The following DYNC2H1 variants were observed in gnomAD, a reference collection of about 807,000 sequenced individuals.
DYNC2H1 encodes dynein cytoplasmic 2 heavy chain 1, also known as cytoplasmic dynein 2 heavy chain 1.
DYNC2H1 carries 410 observed loss-of-function variants against 570.0 expected under a neutral mutation model. The ratio of observed to expected loss-of-function variants is 0.72; its 90% CI spans 0.66 to 0.78. The LOEUF (loss-of-function observed/expected upper bound fraction) is 0.78. Ranked by LOEUF, DYNC2H1 falls within the 30% of genes least tolerant of loss-of-function variation. The pLI is 0.00. For synonymous variants in DYNC2H1, 1,688 were observed against 1,677.6 expected (o/e 1.01, Z -0.15); for missense variants, 4,865 against 5,046.4 (o/e 0.96, Z 1.09).
chr11:103,233,972 T>A (rs1187943606), intron 60 of DYNC2H1, 62 bp from the exon 61 acceptor site: 2 of 1,500,802 alleles, frequency 1.3e-6, no homozygotes, highest in African/African-American at 1.4e-5. Flanking sequence ...TACCTATGGA[T>A]AATTTCATTA....
intron 58 of DYNC2H1, 138 bp downstream of exon 58, chr11:103,222,291 C>T (rs2135154466): frequency 3.5e-6 from 2 of 579,458 alleles, no homozygotes; most frequent in Non-Finnish European, 2.7e-6. Flanking sequence ...AGGAATTACA[C>T]TTGGGAAGCA....
intron 79 of DYNC2H1, among the ~76,000 whole-genome samples, 182 bp downstream of exon 79, chr11:103,312,215 TA>T (rs1374643595): frequency 6.6e-6 from 1 of 151,822 alleles, no homozygotes; most frequent in Admixed American, 6.6e-5. Context: ...ACCCCATCTC[TA>T]CTAAAAATAC....
chr11:103,187,359 T>C lies in DYNC2H1; in HGVS notation c.6913T>C (p.Phe2305Leu). The C allele has an allele frequency of 6.2e-7, 1 of 1,612,998 alleles. No individual in the cohort carries two copies. Among genetic ancestry groups the C allele is most frequent in the Non-Finnish European group, 8.5e-7 (1 of 1,179,264 alleles). Residue 2305 changes from phenylalanine to leucine, a missense_variant, in exon 43 of 89, where the codon TTT (phenylalanine) becomes CTT (leucine). Phe to Leu is a conservative substitution (Grantham distance 22, BLOSUM62 0). Coordinates refer to ENST00000375735, the MANE Select transcript of DYNC2H1 (RefSeq NM_001377.3). ...TCGTAGGATGCTGCTCAGGTACGCATTTTCACAACTCCGGTCCACTCAAAT... is the reference window on the plus strand; with the variant it reads ...TCGTAGGATGCTGCTCAGGTACGCACTTTCACAACTCCGGTCCACTCAAAT... Reference protein sequence around the residue: ...CGKGMLLRYAFSQLRSTQIAT... With the variant: ...CGKGMLLRYALSQLRSTQIAT...
intron 65 of DYNC2H1, among the ~76,000 whole-genome samples, chr11:103,246,420 AGT>A (rs1864620622): frequency 6.6e-6 from 1 of 152,012 alleles, no homozygotes; most frequent in Non-Finnish European, 1.5e-5. Flanking sequence ...AGTTCTGGTT[AGT>A]GTTAGGTTTT....
intron 84 of DYNC2H1, among the ~76,000 whole-genome samples, chr11:103,414,599 TTTGCAGGTGACATGG>T (rs993958325): frequency 8.7e-5 from 13 of 148,730 alleles, no homozygotes; most frequent in Non-Finnish European, 8.9e-5. Context: ...ATTGTCTCTG[TTTGCAGGTGACATGG>T]TTGTAGATTT....
rs148943955 is a variant in DYNC2H1 at position 103,189,210 on chromosome 11, CT to C, written c.7293-452del. Among the ~76,000 whole-genome samples the C allele has an allele frequency of 4.7e-5, 7 of 149,766 alleles. No homozygotes were observed. In the South Asian group the frequency reaches 6.4e-4, roughly 14 times the overall value. The stretch of plus-strand genomic sequence containing the variant: ...TGCTAATTGTACTCCATCAATTAAA[CT>C]TTTTTTTTTCTAGAAATATTCCTGC... On this transcript the variant is annotated intron_variant, in intron 44 of 88. Coordinates refer to ENST00000375735, the MANE Select transcript of DYNC2H1 (RefSeq NM_001377.3). The surrounding 1 kb of genome is among the most constrained non-coding windows in gnomAD (Gnocchi z 4.3).
intron 87 of DYNC2H1, among the ~76,000 whole-genome samples, chr11:103,467,624 G>A (rs968848409): frequency 1.3e-5 from 2 of 152,088 alleles, no homozygotes; most frequent in African/African-American, 2.4e-5. Flanking sequence ...TGCAAGCTCC[G>A]CTTCCCGGAT....
At chr11:103,347,514 A>G (rs1007259401) in intron 82 of DYNC2H1, among the ~76,000 whole-genome samples, 6 of 143,304 alleles carry the variant, frequency 4.2e-5, no homozygotes, top group African/African-American at 1.5e-4. Flanking sequence ...CTTAAGGAAT[A>G]AAAACAAGAG....
In DYNC2H1 at chr11:103,192,261, T is replaced by A; in HGVS notation, c.7705T>A (p.Ser2569Thr). 6.5e-7 allele frequency: 1 copy of A among 1,546,596 alleles called. No homozygotes were observed. The highest frequency in any genetic ancestry group is 8.8e-7 in the Non-Finnish European group (1 of 1,138,186). The change falls in exon 47 of 89, where the codon TCA (serine) becomes ACA (threonine). Residue 2569 changes from serine (S) to threonine (T), a missense_variant. Ser to Thr is a moderately conservative substitution (Grantham distance 58). This residue lies in a region of DYNC2H1 where 2,401 missense variants were observed against 2,454.6 expected (regional missense o/e 0.98). Transcript: ENST00000375735. ...DWGSDILDNM[S>T]DSFYVTWGAR... ...GGGCTCAGACATATTAGACAATATG[T>A]CAGGTAAGGTAATAGAGCTTATGCA...
chr11:103,476,488 T>A (rs1945551378), intron 88 of DYNC2H1, among the ~76,000 whole-genome samples: 1 of 152,204 alleles, frequency 6.6e-6, no homozygotes, highest in South Asian at 2.1e-4. Context: ...CTAGGCACAA[T>A]ATTAGCATAT....
chr11:103,391,333 G>A (rs911278514), intron 83 of DYNC2H1, among the ~76,000 whole-genome samples: 4 of 152,278 alleles, frequency 2.6e-5, no homozygotes, highest in Admixed American at 2.0e-4. Flanking sequence ...CTTATGCCCT[G>A]GTTTTCAGCT....
At chr11:103,350,124 T>A (rs1055520508) in intron 82 of DYNC2H1, among the ~76,000 whole-genome samples, 2 of 152,150 alleles carry the variant, frequency 1.3e-5, no homozygotes, top group Non-Finnish European at 2.9e-5. Context: ...ATCATCATTG[T>A]ACATGGCCAA....
rs1944197759 is a variant in DYNC2H1, at chr11:103,439,751, C to G, written c.12456+3719C>G. Among the ~76,000 whole-genome samples the G allele has an allele frequency of 6.6e-6, 1 of 152,018 alleles. No individual in the cohort carries two copies. The highest frequency in any genetic ancestry group is 2.4e-5 in the African/African-American group (1 of 41,372). ...CAAAGATCTTAAAAAAAAAATTCCA[C>G]TATATTTCCAATACCTATATACTGT... On this transcript the variant is annotated intron_variant, in intron 85 of 88. Coordinates refer to ENST00000375735, the MANE Select transcript of DYNC2H1 (RefSeq NM_001377.3). This position sits in a 1 kb window ranked among gnomAD's most constrained non-coding sequence, Gnocchi z 4.1.
chr11:103,192,163 G>A lies in DYNC2H1; in HGVS notation c.7607G>A (p.Arg2536His), dbSNP rs376790555. 21 of 1,575,958 alleles carry A rather than the reference G, an allele frequency of 1.3e-5. No individual in the cohort carries two copies. Among genetic ancestry groups the A allele is most frequent in the East Asian group, 4.5e-5 (2 of 44,064 alleles). Residue 2536 changes from arginine to histidine, a missense_variant, in exon 47 of 89, where the codon CGT becomes CAT. Around this residue, in one of 5 missense-constraint regions of DYNC2H1, gnomAD observed 2,401 missense variants for 2,454.6 expected, o/e 0.98. Coordinates refer to ENST00000375735, the MANE Select transcript of DYNC2H1 (RefSeq NM_001377.3). ...GCATATGAGGCACGGCGCTTATTTC[G>A]TGACAAAATTGTTGGTGCAAAGGAA... ...IVAYEARRLF[R>H]DKIVGAKELH...
chr11:103,352,848 C>A (rs1220226405), intron 82 of DYNC2H1, among the ~76,000 whole-genome samples: 8 of 152,196 alleles, frequency 5.3e-5, no homozygotes, highest in Non-Finnish European at 1.2e-4. Flanking sequence ...TACATGCATG[C>A]ATATATTTAC....
chr11:103,133,942 C>T lies in DYNC2H1; in HGVS notation c.2106+235C>T, dbSNP rs1248820083. Among the ~76,000 whole-genome samples the T allele has an allele frequency of 6.6e-6, 1 of 152,098 alleles. No individual in the cohort carries two copies. Among genetic ancestry groups the T allele is most frequent in the Non-Finnish European group, 1.5e-5 (1 of 68,002 alleles). ...TTTGAATTTTACAATTTTCCACTAA[C>T]ATTCTTTTTTTTTTCCAGGATACAA... On this transcript the variant is annotated intron_variant, in intron 14 of 88. Transcript: ENST00000375735. The surrounding 1 kb of genome is among the most constrained non-coding windows in gnomAD (Gnocchi z 4.8).
chr11:103,435,153 T>C (rs1337278437), intron 84 of DYNC2H1, among the ~76,000 whole-genome samples: 2 of 152,148 alleles, frequency 1.3e-5, no homozygotes, highest in Non-Finnish European at 2.9e-5. Context: ...CTACTCTAAA[T>C]TTGGTCATCT....
intron 66 of DYNC2H1, among the ~76,000 whole-genome samples, chr11:103,255,197 A>T (rs1351916477): frequency 1.3e-5 from 2 of 152,146 alleles, no homozygotes; most frequent in Admixed American, 1.3e-4. Flanking sequence ...CAGCTTTTCT[A>T]CAGTAGTTAA....
chr11:103,424,036 A>G (rs889753630), intron 84 of DYNC2H1, among the ~76,000 whole-genome samples: 25 of 152,264 alleles, frequency 1.6e-4, no homozygotes, highest in Admixed American at 5.9e-4. Flanking sequence ...TGAGAGCTAC[A>G]CAACATCATT....
Sources: allele counts gnomAD v4.1 joint callset (sites outside exome capture counted in the v4.1 genomes callset), GRCh38; gene constraint gnomAD v4.1.1; regional missense constraint gnomAD v4.1.1; non-coding constraint Gnocchi (gnomAD v3.1); transcripts MANE v1.5; gene names NCBI Gene and HGNC (gene_info 2026-07-23, HGNC 2026-07-21).